The following ABI3BP variants were observed in gnomAD, a reference collection of about 807,000 sequenced individuals.
ABI3BP encodes target of Nesh-SH3.
ABI3BP carries 216 observed loss-of-function variants against 268.6 expected under a neutral mutation model. The observed-to-expected ratio is 0.80, with a 90% CI of 0.72 to 0.90. The LOEUF (loss-of-function observed/expected upper bound fraction) is 0.90, where lower values mean the gene tolerates loss of function less well. Ranked by LOEUF, ABI3BP falls within the 40% of genes least tolerant of loss-of-function variation. The pLI is 0.00. For synonymous variants in ABI3BP, 730 were observed against 730.0 expected (o/e 1.00, Z 0.00); for missense variants, 2,090 against 2,182.4 (o/e 0.96, Z 0.84).
intron 1 of ABI3BP, among the ~76,000 whole-genome samples, chr3:100,953,350 T>C (rs568680640): frequency 6.6e-6 from 1 of 152,250 alleles, no homozygotes; most frequent in East Asian, 1.9e-4. Flanking sequence ...GCTCACAGAA[T>C]CAAGGTCAGA....
chr3:100,858,133 C>T (rs1353698542), intron 14 of ABI3BP, among the ~76,000 whole-genome samples: 1 of 152,180 alleles, frequency 6.6e-6, no homozygotes, highest in Non-Finnish European at 1.5e-5. Context: ...TGGTCAACTT[C>T]CTCTAGATAC....
At chr3:100,991,503 T>C (rs1407077239) in intron 1 of ABI3BP, among the ~76,000 whole-genome samples, 1 of 152,150 alleles carries the variant, frequency 6.6e-6, no homozygotes, top group Non-Finnish European at 1.5e-5. Flanking sequence ...CCACAAGTTA[T>C]TGACAGGAAT....
chr3:100,925,758 T>C (rs1271125387), intron 2 of ABI3BP, among the ~76,000 whole-genome samples: 1 of 152,118 alleles, frequency 6.6e-6, no homozygotes, highest in Non-Finnish European at 1.5e-5. Flanking sequence ...CAAATAATTT[T>C]TCTGGAGAAG....
chr3:100,977,288 T>C (rs1170218222), intron 1 of ABI3BP, among the ~76,000 whole-genome samples: 2 of 152,230 alleles, frequency 1.3e-5, no homozygotes, highest in Non-Finnish European at 2.9e-5. Flanking sequence ...ATATAATAAA[T>C]TAACCCAAAG....
rs769228882 is a variant in ABI3BP at position 100,824,883 on chromosome 3, G to T, written c.2721C>A (p.Ser907Arg). Residue 907 changes from serine (S) to arginine (R), a missense_variant, in exon 36 of 68, where the codon AGC becomes AGA. Coordinates refer to ENST00000471714, the MANE Select transcript of ABI3BP (RefSeq NM_001375547.2). Reference sequence around the variant, plus strand: ...CAGGTTTGGTCTCAGGTGCCTGAGGGCTCGGTGTAGTTTTAGGTCTGGGAC... The same window carrying T: ...CAGGTTTGGTCTCAGGTGCCTGAGGTCTCGGTGTAGTTTTAGGTCTGGGAC... ...PPRPRPKTTP[S>R]PQAPETKPVP... The T allele has an allele frequency of 6.5e-7, 1 of 1,536,066 alleles. No homozygotes were observed. The highest frequency in any genetic ancestry group is 1.2e-5 in the South Asian group (1 of 84,022).
chr3:100,964,464 CTGT>C (rs1372821509), intron 1 of ABI3BP, among the ~76,000 whole-genome samples: 3 of 152,202 alleles, frequency 2.0e-5, no homozygotes, highest in Non-Finnish European at 4.4e-5. Context: ...ATGGAGAGCG[CTGT>C]TGTTCTTTTT....
intron 51 of ABI3BP, among the ~76,000 whole-genome samples, chr3:100,801,776 A>G (rs1333993896): frequency 6.6e-6 from 1 of 152,202 alleles, no homozygotes; most frequent in African/African-American, 2.4e-5. Flanking sequence ...TGTGGAGAAG[A>G]TGATAATGAA....
At chr3:100,870,966 CAT>C (rs1371053549) in intron 9 of ABI3BP, among the ~76,000 whole-genome samples, 13 of 152,178 alleles carry the variant, frequency 8.5e-5, no homozygotes, top group African/African-American at 3.1e-4. Context: ...TGATTTCACT[CAT>C]ATGTGGAATC....
intron 48 of ABI3BP, 41 bp downstream of exon 48, chr3:100,811,189 A>G (rs1308080024): frequency 6.7e-7 from 1 of 1,502,916 alleles, no homozygotes; most frequent in East Asian, 2.5e-5. Flanking sequence ...GGTGGCAATG[A>G]AGACAGAGAG....
At position 100,845,708 on chromosome 3, in the gene ABI3BP, T is replaced by C. The variant is rs532039468; in HGVS notation, c.1723+664A>G. ...CTGTAGTCAATCTTATAAGTCAACA[T>C]TTAAAACTGCCACATGGATTACAGA... On this transcript the variant is annotated intron_variant, in intron 20 of 67. Transcript: ENST00000471714. Among the ~76,000 whole-genome samples the C allele has an allele frequency of 3.3e-5, 5 of 152,230 alleles. No homozygotes were observed. The South Asian group carries it at 8.3e-4, about 25-fold the overall frequency.
chr3:100,829,057 A>G (rs1369550083), intron 33 of ABI3BP, among the ~76,000 whole-genome samples: 2 of 151,928 alleles, frequency 1.3e-5, no homozygotes, highest in African/African-American at 4.8e-5. Flanking sequence ...TGGTTTCCAT[A>G]CATTCCCTGC....
intron 20 of ABI3BP, among the ~76,000 whole-genome samples, chr3:100,842,516 G>T (rs1392989360): frequency 1.3e-5 from 2 of 152,152 alleles, no homozygotes; most frequent in African/African-American, 2.4e-5. Flanking sequence ...TTGTTCAAAA[G>T]CGACCACAAC....
At chr3:100,757,220 G>T (rs1382866729) in intron 63 of ABI3BP, among the ~76,000 whole-genome samples, 1 of 152,110 alleles carries the variant, frequency 6.6e-6, no homozygotes, top group African/African-American at 2.4e-5. Context: ...AAGGAAAGGA[G>T]ATAGAAAATT....
intron 43 of ABI3BP, chr3:100,816,258 A>C: frequency 2.2e-6 from 1 of 461,788 alleles, no homozygotes. Context: ...TGGCTTTGGA[A>C]ATTTGTTTAG....
At chr3:100,874,965 G>A (rs1335478208) in intron 8 of ABI3BP, 32 bp from the exon 9 acceptor site, 3 of 1,255,064 alleles carry the variant, frequency 2.4e-6, no homozygotes, top group South Asian at 1.3e-5. Flanking sequence ...TAAGATAAGG[G>A]GAAGAAAGTG....
At chr3:100,825,545 C>T (rs373944942) in intron 35 of ABI3BP, among the ~76,000 whole-genome samples, 18 of 152,146 alleles carry the variant, frequency 1.2e-4, no homozygotes, top group East Asian at 1.9e-4. Context: ...AAATGTGCCA[C>T]ATGGCAGGTA....
Position 100,885,580 on chromosome 3 carries a change from CT to C in ABI3BP, c.651del (p.Val218Ter). The C allele has an allele frequency of 1.3e-6, 2 of 1,550,512 alleles. No homozygotes were observed. Among genetic ancestry groups the C allele is most frequent in the Admixed American group, 1.9e-5 (1 of 52,860 alleles). Reference sequence around the variant, plus strand: ...TAGGTACTTTGGATTTTCCCATTTACTTTTTTACCTGATGAAACAAGGGAAA... The same window carrying C: ...TAGGTACTTTGGATTTTCCCATTTACTTTTTACCTGATGAAACAAGGGAAA... ...FNHKTVVGSK[K>X]VNGKIQSTYD... is the part of the protein sequence containing the mutation. On this transcript the variant is annotated frameshift_variant, in exon 6 of 68. Transcript: ENST00000471714. LOFTEE classifies it high-confidence loss of function.
chr3:100,940,350 C>A (rs1177203977), intron 1 of ABI3BP, among the ~76,000 whole-genome samples: 1 of 151,928 alleles, frequency 6.6e-6, no homozygotes, highest in East Asian at 1.9e-4. Flanking sequence ...ATTTGGGGAA[C>A]AAATAAATGT....
chr3:100,941,772 G>A (rs190908497), intron 1 of ABI3BP, among the ~76,000 whole-genome samples: 294 of 152,310 alleles, frequency 1.9e-3, no homozygotes, highest in African/African-American at 6.8e-3. Context: ...CAACAGCCAA[G>A]TAGGAAAACT....
Sources: allele counts gnomAD v4.1 joint callset (sites outside exome capture counted in the v4.1 genomes callset), GRCh38; gene constraint gnomAD v4.1.1; transcripts MANE v1.5; gene names NCBI Gene and HGNC (gene_info 2026-07-23, HGNC 2026-07-21).